The following SLC39A9 variants were observed in gnomAD, a reference collection of about 807,000 sequenced individuals.
The protein encoded by SLC39A9 is zinc transporter ZIP9.
Under a neutral mutation model 28.4 loss-of-function variants are expected in SLC39A9, and 14 were observed. The observed-to-expected ratio is 0.49, with a 90% CI of 0.33 to 0.77. The LOEUF is 0.77. SLC39A9 is among the 30% of genes least tolerant of loss of function. SLC39A9 has a pLI of 0.02. For synonymous variants in SLC39A9, 119 were observed against 149.6 expected, an observed-to-expected ratio of 0.80 and a Z score of 1.49; for missense variants, 283 against 381.1, an observed-to-expected ratio of 0.74 and a Z score of 2.14.
At chr14:69,431,805 A>G (rs985201081) in intron 2 of SLC39A9, among the ~76,000 whole-genome samples, 3 of 152,176 alleles carry the variant, frequency 2.0e-5, no homozygotes, top group African/African-American at 7.2e-5. Flanking sequence ...AAGTGAGAAC[A>G]TGTGGTATTT....
chr14:69,421,013 T>G (rs1211728093), intron 1 of SLC39A9, among the ~76,000 whole-genome samples: 1 of 152,242 alleles, frequency 6.6e-6, no homozygotes, highest in Non-Finnish European at 1.5e-5. Context: ...TCAAAGGAAT[T>G]TCCATCCAGC....
chr14:69,451,128 T>G (rs150172522), intron 3 of SLC39A9, among the ~76,000 whole-genome samples: 103 of 152,366 alleles, frequency 6.8e-4, no homozygotes, highest in African/African-American at 2.5e-3. Flanking sequence ...ATTTGACTGT[T>G]CCTTCCAGTT....
intron 2 of SLC39A9, among the ~76,000 whole-genome samples, chr14:69,433,735 G>T (rs1416776373): frequency 6.6e-6 from 1 of 152,038 alleles, no homozygotes; most frequent in Non-Finnish European, 1.5e-5. Flanking sequence ...GAAGCTCATT[G>T]ATTTGAGGTT....
At chr14:69,426,116 C>T (rs941568951) in intron 2 of SLC39A9, among the ~76,000 whole-genome samples, 1 of 152,144 alleles carries the variant, frequency 6.6e-6, no homozygotes, top group Non-Finnish European at 1.5e-5. Context: ...GCAATATCTC[C>T]CCACTACCAA....
intron 5 of SLC39A9, 97 bp from the exon 6 acceptor site, chr14:69,455,635 T>G: frequency 2.0e-6 from 3 of 1,521,744 alleles, no homozygotes; most frequent in African/African-American, 1.4e-5. Context: ...TGAGTTTTTC[T>G]TTGTATGAGA....
At chr14:69,401,314 A>T (rs1440078143) in intron 1 of SLC39A9, among the ~76,000 whole-genome samples, 1 of 152,112 alleles carries the variant, frequency 6.6e-6, no homozygotes, top group Non-Finnish European at 1.5e-5. Context: ...TGTTTCACTT[A>T]TTTGGGTTAC....
At position 69,455,741 on chromosome 14, in the gene SLC39A9, G is replaced by C. The variant is rs1295976526; in HGVS notation, c.568G>C (p.Ala190Pro). The change falls in exon 6 of 7, where the codon GCT (alanine) becomes CCT (proline). Residue 190 changes from alanine to proline, a missense_variant. Coordinates refer to ENST00000336643, the MANE Select transcript of SLC39A9 (RefSeq NM_018375.5). ...GATTTTTTATTTCCAGGCACCAGCT[G>C]CTTTTGGACTGGTTTCCTTCTTGAT... ...VAIMLHKAPA[A>P]FGLVSFLMHA... 1 of 1,614,034 alleles carries C rather than the reference G, an allele frequency of 6.2e-7. No homozygotes were observed. The highest frequency in any genetic ancestry group is 1.3e-5 in the African/African-American group (1 of 74,930).
At chr14:69,441,607 G>A (rs1428603738) in intron 2 of SLC39A9, among the ~76,000 whole-genome samples, 1 of 152,096 alleles carries the variant, frequency 6.6e-6, no homozygotes, top group Non-Finnish European at 1.5e-5. Flanking sequence ...TACTCAATTT[G>A]TTCCTTATTT....
At chr14:69,424,446 T>C (rs1033922461) in intron 2 of SLC39A9, among the ~76,000 whole-genome samples, 6 of 152,200 alleles carry the variant, frequency 3.9e-5, no homozygotes, top group African/African-American at 1.4e-4. Flanking sequence ...ATGAGTCATT[T>C]TAAGTTATGA....
At chr14:69,405,993 G>A (rs1424965409) in intron 1 of SLC39A9, among the ~76,000 whole-genome samples, 1 of 152,226 alleles carries the variant, frequency 6.6e-6, no homozygotes, top group African/African-American at 2.4e-5. Flanking sequence ...TGGTAGAGGT[G>A]TGATTTGGAA....
chr14:69,450,146 G>A (rs1024498391), intron 3 of SLC39A9, among the ~76,000 whole-genome samples: 2 of 151,862 alleles, frequency 1.3e-5, no homozygotes, highest in African/African-American at 2.4e-5. Context: ...CCAAGATCAC[G>A]CCACTGCGCT....
intron 1 of SLC39A9, among the ~76,000 whole-genome samples, chr14:69,415,428 G>A (rs1231271068): frequency 6.6e-6 from 1 of 152,192 alleles, no homozygotes; most frequent in Non-Finnish European, 1.5e-5. Context: ...TACATCTTTT[G>A]TGAAGTGTCT....
At chr14:69,450,076 T>C (rs1885531200) in intron 3 of SLC39A9, among the ~76,000 whole-genome samples, 1 of 151,960 alleles carries the variant, frequency 6.6e-6, no homozygotes, top group Non-Finnish European at 1.5e-5. Context: ...TAATCTCAGC[T>C]ACTTGGTAGG....
In SLC39A9 at chr14:69,461,507, T is replaced by A; in HGVS notation, c.*2914T>A. Reference sequence around the variant, plus strand: ...TTATGTGTTTTCTCTTTCTCCCCGCTTTCACCTCTTTCTTTCCCAATTCAA... The same window carrying A: ...TTATGTGTTTTCTCTTTCTCCCCGCATTCACCTCTTTCTTTCCCAATTCAA... On this transcript the variant is annotated 3_prime_UTR_variant, in exon 7 of 7. Coordinates refer to ENST00000336643, the MANE Select transcript of SLC39A9 (RefSeq NM_018375.5). 1 of 1,435,904 alleles carries A rather than the reference T, an allele frequency of 7.0e-7. No homozygotes were observed. The highest frequency in any genetic ancestry group is 9.1e-7 in the Non-Finnish European group (1 of 1,098,842). The allele number at this position is 1,435,904 out of a possible 1,614,324, so 88.9% of individuals were successfully genotyped here.
rs1886028703 is a variant in SLC39A9, at chr14:69,459,617, C to T, written c.*1024C>T. 1.0e-6 allele frequency: 1 copy of T among 969,218 alleles called. No homozygotes were observed. The highest frequency in any genetic ancestry group is 1.2e-6 in the Non-Finnish European group (1 of 817,562). 60.0% of individuals were successfully genotyped at this position (969,218 alleles called of 1,614,324 possible). On this transcript the variant is annotated 3_prime_UTR_variant, in exon 7 of 7. Transcript: ENST00000336643. ...AGCAATCCCTCTAGGGACCTAAATA[C>T]TAGGTCAGCTTTGGCGACACTGTGT...
intron 1 of SLC39A9, among the ~76,000 whole-genome samples, chr14:69,418,559 C>T (rs1883701805): frequency 6.6e-6 from 1 of 152,122 alleles, no homozygotes; most frequent in East Asian, 1.9e-4. Flanking sequence ...ATGGTACCAG[C>T]TCCTCTTTGT....
Position 69,424,077 on chromosome 14 carries a change from T to G in SLC39A9, c.97-17T>G, listed in dbSNP as rs1358351064. Reference sequence around the variant, plus strand: ...ATTAATCAAAGTTTGCAATTATTTCTTTTGCTTTCTCCCCAGGAACGACTG... The same window carrying G: ...ATTAATCAAAGTTTGCAATTATTTCGTTTGCTTTCTCCCCAGGAACGACTG... On this transcript the variant is annotated splice_polypyrimidine_tract_variant and intron_variant, in intron 1 of 6. Coordinates refer to ENST00000336643, the MANE Select transcript of SLC39A9 (RefSeq NM_018375.5). 7 of 1,602,194 alleles carry G rather than the reference T, an allele frequency of 4.4e-6. No individual in the cohort carries two copies. Among genetic ancestry groups the G allele is most frequent in the Non-Finnish European group, 5.1e-6 (6 of 1,169,788 alleles).
At chr14:69,400,408 C>G (rs1185823489) in intron 1 of SLC39A9, among the ~76,000 whole-genome samples, 1 of 152,152 alleles carries the variant, frequency 6.6e-6, no homozygotes, top group Non-Finnish European at 1.5e-5. Flanking sequence ...AAGCACTGTT[C>G]AGTGAACATG....
chr14:69,418,653 G>A (rs1243812103), intron 1 of SLC39A9, among the ~76,000 whole-genome samples: 1 of 151,982 alleles, frequency 6.6e-6, no homozygotes, highest in Non-Finnish European at 1.5e-5. Context: ...TTTTTTGGTT[G>A]GTAGGCTATT....
Sources: gnomAD v4.1 joint callset for allele counts (sites outside exome capture counted in the v4.1 genomes callset) on GRCh38, gnomAD v4.1.1 for gene constraint, MANE v1.5 for transcripts, NCBI Gene and HGNC (gene_info 2026-07-23, HGNC 2026-07-21) for gene names.